Variants in HDGFL2 observed in about 807,000 individuals in gnomAD.
HDGFL2 encodes HDGF like 2, also known as hepatoma-derived growth factor-related protein 2.
HDGFL2 carries 36 observed loss-of-function variants against 77.1 expected under a neutral mutation model. The observed-to-expected ratio is 0.47, with a 90% CI of 0.36 to 0.62. The LOEUF (loss-of-function observed/expected upper bound fraction) is 0.62, where lower values mean the gene tolerates loss of function less well. Among genes scored for constraint, HDGFL2 ranks in the 20% least tolerant of loss-of-function variants. The pLI, the probability that HDGFL2 is intolerant of heterozygous loss-of-function variation, is 0.00. For synonymous variants in HDGFL2, 463 were observed against 413.1 expected (o/e 1.12, Z -1.46); for missense variants, 976 against 973.4 (o/e 1.00, Z -0.04).
intron 3 of HDGFL2, among the ~76,000 whole-genome samples, chr19:4,477,365 C>T (rs370442949): frequency 2.3e-4 from 35 of 152,164 alleles, no homozygotes; most frequent in African/African-American, 4.1e-4. Flanking sequence ...CTCAGGGGGC[C>T]GGGGCCCACC....
At chr19:4,476,882 C>T (rs939693967) in intron 3 of HDGFL2, among the ~76,000 whole-genome samples, 1 of 151,484 alleles carries the variant, frequency 6.6e-6, no homozygotes, top group Non-Finnish European at 1.5e-5. Flanking sequence ...TTTGAGGTTT[C>T]TGTGACAGGC....
At chr19:4,488,134 C>G (rs747436278) in intron 3 of HDGFL2, among the ~76,000 whole-genome samples, 4 of 152,150 alleles carry the variant, frequency 2.6e-5, no homozygotes, top group Admixed American at 6.5e-5. Context: ...CCACACCCAT[C>G]TAATTTTTGT....
In HDGFL2 at chr19:4,496,493, C is replaced by T. The variant is rs1975706343; in HGVS notation, c.1328+88C>T. The T allele has an allele frequency of 5.0e-6, 5 of 1,004,006 alleles. No individual in the cohort carries two copies. The East Asian group carries it at 7.8e-5, about 16-fold the overall frequency. The allele number at this position is 1,004,006 out of a possible 1,614,324, so 62.2% of individuals were successfully genotyped here. A position where few individuals can be genotyped will look rare whatever the true frequency, so the allele number is the denominator to read the frequency against. On this transcript the variant is annotated intron_variant, in intron 10 of 15. Coordinates refer to ENST00000616600, the MANE Select transcript of HDGFL2 (RefSeq NM_001001520.3). ...TCACCCCTCACAGGGGCAGCCCCAC[C>T]TCTGAGTTCAGCCTTGGAGCCGGAC...
In HDGFL2 at chr19:4,498,889, A is replaced by C; in HGVS notation, c.1549A>C (p.Thr517Pro). The C allele has an allele frequency of 6.2e-7, 1 of 1,610,982 alleles. No individual in the cohort carries two copies. Among genetic ancestry groups the C allele is most frequent in the East Asian group, 2.2e-5 (1 of 44,774 alleles). ...QVTSQILQKN[T>P]DVVATLKKIR... is the part of the protein sequence containing the mutation. Reference sequence around the variant, plus strand: ...GACCTCTCAGATCCTCCAGAAGAACACAGACGTGGTGGCCACCTTGAAGAA... The same window carrying C: ...GACCTCTCAGATCCTCCAGAAGAACCCAGACGTGGTGGCCACCTTGAAGAA... The change falls in exon 13 of 16, where the codon ACA (threonine) becomes CCA (proline). Residue 517 changes from threonine to proline, a missense_variant. Physicochemically the swap from Thr to Pro is conservative, Grantham distance 38 (BLOSUM62 -1). Coordinates refer to ENST00000616600, the MANE Select transcript of HDGFL2 (RefSeq NM_001001520.3).
chr19:4,481,219 C>G (rs1214939615), intron 3 of HDGFL2, among the ~76,000 whole-genome samples: 1 of 118,830 alleles, frequency 8.4e-6, no homozygotes, highest in African/African-American at 3.2e-5. Flanking sequence ...GTGATGGAGT[C>G]TTGCTCTGTC....
At chr19:4,494,572 C>A in intron 9 of HDGFL2, 97 bp downstream of exon 9, 1 of 963,002 alleles carries the variant, frequency 1.0e-6, no homozygotes, top group Non-Finnish European at 1.4e-6. Context: ...CGGGACCCAT[C>A]AAGAAAGCAG....
intron 10 of HDGFL2, 73 bp from the exon 11 acceptor site, chr19:4,497,885 C>T: frequency 7.4e-7 from 1 of 1,359,360 alleles, no homozygotes; most frequent in Non-Finnish European, 1.0e-6. Flanking sequence ...TTGGGTCCAC[C>T]CCTTCAGGCG....
chr19:4,501,572 G>T, intron 15 of HDGFL2: 1 of 490,296 alleles, frequency 2.0e-6, no homozygotes, highest in Non-Finnish European at 3.6e-6. Flanking sequence ...TTCTTGCCGA[G>T]CCTCCAGGGT....
intron 10 of HDGFL2, chr19:4,497,410 G>A (rs1975733731): frequency 9.6e-6 from 3 of 313,186 alleles, no homozygotes; most frequent in South Asian, 4.9e-5. Flanking sequence ...TGTTGGCCAG[G>A]ATGGTCTCTA....
chr19:4,497,195 T>A, intron 10 of HDGFL2: 1 of 426,446 alleles, frequency 2.3e-6, no homozygotes, highest in South Asian at 1.6e-5. Flanking sequence ...TTTGTTTTTG[T>A]TTTTGTTTTT....
In HDGFL2 at chr19:4,498,518, G is replaced by T. The variant is rs577109995; in HGVS notation, c.1473+142G>T. 4 of 694,062 alleles carry T rather than the reference G, an allele frequency of 5.8e-6. No homozygotes were observed. The South Asian group carries it at 6.9e-5, about 12-fold the overall frequency. The allele number at this position is 694,062 out of a possible 1,614,324, so 43.0% of individuals were successfully genotyped here. On this transcript the variant is annotated intron_variant, in intron 12 of 15. Coordinates refer to ENST00000616600, the MANE Select transcript of HDGFL2 (RefSeq NM_001001520.3). Reference sequence around the variant, plus strand: ...GAGTCTGTTCCGGTTGCTAGTGAGCGCATGGGGTCTCCTGGCCAAGGGCCC... The same window carrying T: ...GAGTCTGTTCCGGTTGCTAGTGAGCTCATGGGGTCTCCTGGCCAAGGGCCC...
chr19:4,492,208 C>T (rs571174106), intron 6 of HDGFL2, among the ~76,000 whole-genome samples: 7 of 151,988 alleles, frequency 4.6e-5, no homozygotes, highest in East Asian at 3.9e-4. Flanking sequence ...TCTCTGTGCA[C>T]GTGTGTCGAC....
At chr19:4,501,408 C>T (rs998003940) in intron 15 of HDGFL2, 91 bp downstream of exon 15, 142 of 1,432,784 alleles carry the variant, frequency 9.9e-5, no homozygotes, top group Non-Finnish European at 1.2e-4. Flanking sequence ...GTGCCAGTCC[C>T]TCTGGGATGG....
chr19:4,493,275 GTGT>G (rs1332258378), intron 6 of HDGFL2, among the ~76,000 whole-genome samples: 1 of 150,472 alleles, frequency 6.6e-6, no homozygotes, highest in Admixed American at 6.6e-5. Context: ...TGTGGTGTGT[GTGT>G]TGTCTGTGTG....
In HDGFL2 at chr19:4,485,517, T is replaced by A. The variant is rs201784229; in HGVS notation, c.289-3159T>A. On this transcript the variant is annotated intron_variant, in intron 3 of 15. Transcript: ENST00000616600. ...ACTTTGGGAGGCCGAGGTGGGTGGATCACGAGGTCAGGAGATTGAGACCAT... is the reference window on the plus strand; with the variant it reads ...ACTTTGGGAGGCCGAGGTGGGTGGAACACGAGGTCAGGAGATTGAGACCAT... Among the ~76,000 whole-genome samples, 3 of 151,922 alleles carry A rather than the reference T, an allele frequency of 2.0e-5. No individual in the cohort carries two copies. The East Asian group carries it at 5.8e-4, about 30-fold the overall frequency.
intron 6 of HDGFL2, among the ~76,000 whole-genome samples, chr19:4,493,100 T>C (rs1975582131): frequency 1.7e-5 from 2 of 115,372 alleles, no homozygotes; most frequent in African/African-American, 3.5e-5. Flanking sequence ...CTGTGTGGTG[T>C]GTGGTGTGTG....
chr19:4,474,048 G>A (rs1231488080), intron 1 of HDGFL2, among the ~76,000 whole-genome samples: 1 of 152,068 alleles, frequency 6.6e-6, no homozygotes, highest in Non-Finnish European at 1.5e-5. Context: ...TGTGGAGGGG[G>A]TGAGTTCCAG....
chr19:4,499,260 C>T (rs1292958868), intron 13 of HDGFL2, among the ~76,000 whole-genome samples: 1 of 152,094 alleles, frequency 6.6e-6, no homozygotes, highest in Admixed American at 6.5e-5. Flanking sequence ...GCAGGAGAAT[C>T]GCTTGAAGCT....
intron 6 of HDGFL2, among the ~76,000 whole-genome samples, chr19:4,492,874 G>GTCTGT: frequency 7.5e-6 from 1 of 133,864 alleles, no homozygotes; most frequent in East Asian, 2.2e-4. Context: ...TGGTGTGTGT[G>GTCTGT]GTGTGGTGTG....
Sources: allele counts gnomAD v4.1 joint callset (sites outside exome capture counted in the v4.1 genomes callset), GRCh38; gene constraint gnomAD v4.1.1; transcripts MANE v1.5; gene names NCBI Gene and HGNC (gene_info 2026-07-23, HGNC 2026-07-21).